The following NSD2 variants were observed in gnomAD, a reference collection of about 807,000 sequenced individuals.
NSD2 encodes the protein nuclear receptor binding SET domain protein 2.
A neutral mutation model predicts 139.0 loss-of-function variants in NSD2; 12 were observed. That is an observed-to-expected ratio of 0.09 (90% CI 0.06 to 0.14). The LOEUF (loss-of-function observed/expected upper bound fraction) is 0.14. NSD2 is among the 10% of genes least tolerant of loss of function. The pLI, the probability that NSD2 is intolerant of heterozygous loss-of-function variation, is 1.00. For synonymous variants in NSD2, 669 were observed against 648.7 expected, an observed-to-expected ratio of 1.03 and a Z score of -0.48; for missense variants, 1,155 against 1,745.0, an observed-to-expected ratio of 0.66 and a Z score of 6.02.
intron 1 of NSD2, among the ~76,000 whole-genome samples, chr4:1,872,629 A>AGAGAGAGAGAGAGAGAGC (rs1553856461): frequency 4.2e-5 from 6 of 142,598 alleles, no homozygotes; most frequent in African/African-American, 7.8e-5. Flanking sequence ...AGAGAGAGAG[A>AGAGAGAGAGAGAGAGAGC]GAGAGAGCGC....
intron 9 of NSD2, chr4:1,940,530 G>A: frequency 9.4e-7 from 1 of 1,064,628 alleles, no homozygotes; most frequent in Non-Finnish European, 1.1e-6. Flanking sequence ...AGGTAGTTTT[G>A]GTTTCCTGAT....
Position 1,973,141 on chromosome 4 carries a change from G to A in NSD2, c.3373-1722G>A, listed in dbSNP as rs1482597887. On this transcript the variant is annotated intron_variant, in intron 18 of 21. Transcript: ENST00000508803. The surrounding 1 kb of genome is among the most constrained non-coding windows in gnomAD (Gnocchi z 5.5). ...ATTATAGGTGTGAGCCACCGCGCCCGGCCGACATATTGTTATAAAGGGGTC... is the reference window on the plus strand; with the variant it reads ...ATTATAGGTGTGAGCCACCGCGCCCAGCCGACATATTGTTATAAAGGGGTC... Among the ~76,000 whole-genome samples, 3 of 152,158 alleles carry A rather than the reference G, an allele frequency of 2.0e-5. No homozygotes were observed. The highest frequency in any genetic ancestry group is 6.5e-5 in the Admixed American group (1 of 15,272).
chr4:1,935,357 A>G, intron 7 of NSD2, 95 bp downstream of exon 7: 1 of 903,878 alleles, frequency 1.1e-6, no homozygotes, highest in Non-Finnish European at 1.7e-6. Context: ...CATGAGATGC[A>G]GGTGTCAGTG....
intron 5 of NSD2, among the ~76,000 whole-genome samples, chr4:1,923,250 A>T (rs1181278100): frequency 6.8e-6 from 1 of 146,128 alleles, no homozygotes; most frequent in Non-Finnish European, 1.5e-5. Context: ...GTACTTTGGG[A>T]GGCTGAAGCG....
At chr4:1,873,211 C>A (rs942699859) in intron 1 of NSD2, among the ~76,000 whole-genome samples, 3 of 152,156 alleles carry the variant, frequency 2.0e-5, no homozygotes, top group Admixed American at 6.5e-5. Context: ...TTTGTGTAAG[C>A]TTTTGTGAAG....
Position 1,958,293 on chromosome 4 carries a change from G to A in NSD2, c.2985+257G>A, listed in dbSNP as rs993859595. Reference sequence around the variant, plus strand: ...AAGGGTTGGGGTGACAGTCCTGACCGGGCTGCTTGGAGCAGGAGGAGCTGA... The same window carrying A: ...AAGGGTTGGGGTGACAGTCCTGACCAGGCTGCTTGGAGCAGGAGGAGCTGA... On this transcript the variant is annotated intron_variant, in intron 16 of 21. Transcript: ENST00000508803. The surrounding 1 kb of genome is among the most constrained non-coding windows in gnomAD (Gnocchi z 4.6). Among the ~76,000 whole-genome samples the A allele has an allele frequency of 6.6e-6, 1 of 152,242 alleles. No individual in the cohort carries two copies. The highest frequency in any genetic ancestry group is 1.5e-5 in the Non-Finnish European group (1 of 68,034).
intron 1 of NSD2, among the ~76,000 whole-genome samples, chr4:1,877,840 C>T (rs1002976170): frequency 2.0e-5 from 3 of 152,080 alleles, no homozygotes; most frequent in African/African-American, 4.8e-5. Context: ...TTCTCCCTCT[C>T]GGGCACCTTC....
chr4:1,909,416 G>T (rs1446435346), intron 3 of NSD2, among the ~76,000 whole-genome samples: 6 of 152,134 alleles, frequency 3.9e-5, no homozygotes, highest in Non-Finnish European at 7.3e-5. Context: ...AGGTCTCCAA[G>T]CAGTGCTGAG....
intron 18 of NSD2, among the ~76,000 whole-genome samples, chr4:1,966,453 G>A (rs900404989): frequency 1.3e-5 from 2 of 152,104 alleles, no homozygotes; most frequent in South Asian, 2.1e-4. Context: ...TCAGGAGATC[G>A]AGATCATCCT....
At chr4:1,936,209 G>A (rs917806455) in intron 7 of NSD2, among the ~76,000 whole-genome samples, 4 of 152,152 alleles carry the variant, frequency 2.6e-5, no homozygotes, top group African/African-American at 9.7e-5. Flanking sequence ...GGAAACACCG[G>A]GTTATTCTGT....
intron 1 of NSD2, among the ~76,000 whole-genome samples, chr4:1,878,213 A>G (rs1385296467): frequency 8.7e-6 from 1 of 114,312 alleles, no homozygotes; most frequent in Non-Finnish European, 1.7e-5. Context: ...GGTGTGTGCC[A>G]CCATGCCCGG....
chr4:1,934,631 C>T (rs558185955), intron 6 of NSD2, among the ~76,000 whole-genome samples: 130 of 149,544 alleles, frequency 8.7e-4, no homozygotes, highest in Non-Finnish European at 1.2e-3. Flanking sequence ...AGGCGGATCA[C>T]GAGGACAGGA....
At chr4:1,966,510 A>G (rs1375974527) in intron 18 of NSD2, among the ~76,000 whole-genome samples, 1 of 152,078 alleles carries the variant, frequency 6.6e-6, no homozygotes, top group Admixed American at 6.6e-5. Flanking sequence ...CAAAAAAATT[A>G]GCCGGGCGTG....
At position 1,980,432 on chromosome 4, in the gene NSD2, C is replaced by T. The variant is rs1468972085; in HGVS notation, c.*1523C>T. The T allele has an allele frequency of 4.3e-6, 1 of 233,004 alleles. No homozygotes were observed. The highest frequency in any genetic ancestry group is 2.2e-5 in the African/African-American group (1 of 45,320). 14.4% of individuals were successfully genotyped at this position (233,004 alleles called of 1,614,324 possible). A position where few individuals can be genotyped will look rare whatever the true frequency, so the allele number is the denominator to read the frequency against. On this transcript the variant is annotated 3_prime_UTR_variant, in exon 22 of 22. Transcript: ENST00000508803. ...TTTTATGGCCTTTTCTTAAAATAAC[C>T]TAAGGGGGACACATCCATCTTGCAG...
intron 9 of NSD2, chr4:1,944,903 A>G: frequency 1.9e-6 from 2 of 1,063,272 alleles, no homozygotes; most frequent in Non-Finnish European, 2.3e-6. Flanking sequence ...TTATACCTGT[A>G]TCTCCCAACT....
chr4:1,874,415 C>T (rs1485254103), intron 1 of NSD2, among the ~76,000 whole-genome samples: 1 of 152,154 alleles, frequency 6.6e-6, no homozygotes, highest in African/African-American at 2.4e-5. Context: ...ACCTTTCTCC[C>T]CTGTTGGGTT....
chr4:1,876,731 C>T (rs972571421), intron 1 of NSD2, among the ~76,000 whole-genome samples: 1 of 152,030 alleles, frequency 6.6e-6, no homozygotes, highest in East Asian at 1.9e-4. Flanking sequence ...TGAGACTACC[C>T]TAGTGGGTGT....
Position 1,973,169 on chromosome 4 carries a change from A to T in NSD2, c.3373-1694A>T, listed in dbSNP as rs901884133. Among the ~76,000 whole-genome samples the T allele has an allele frequency of 4.6e-5, 7 of 152,206 alleles. No individual in the cohort carries two copies. Among genetic ancestry groups the T allele is most frequent in the Non-Finnish European group, 7.3e-5 (5 of 68,032 alleles). On this transcript the variant is annotated intron_variant, in intron 18 of 21. Transcript: ENST00000508803. This position sits in a 1 kb window ranked among gnomAD's most constrained non-coding sequence, Gnocchi z 5.5. ...CGACATATTGTTATAAAGGGGTCTG[A>T]TGTTTGGAATATCTAGGGAACATCT...
Position 1,975,279 on chromosome 4 carries a change from C to T in NSD2, c.3515-15C>T, listed in dbSNP as rs1726953339. On this transcript the variant is annotated splice_polypyrimidine_tract_variant and intron_variant, in intron 19 of 21. Transcript: ENST00000508803. ...CAGGTGTTTCCAATTTGGTGTCTGT[C>T]TCCTCTTCTCCCAGGGACGGAGCTG... 1 of 1,613,124 alleles carries T rather than the reference C, an allele frequency of 6.2e-7. No homozygotes were observed. Among genetic ancestry groups the T allele is most frequent in the Non-Finnish European group, 8.5e-7 (1 of 1,179,172 alleles).
Sources: allele counts gnomAD v4.1 joint callset (sites outside exome capture counted in the v4.1 genomes callset), GRCh38; gene constraint gnomAD v4.1.1; non-coding constraint Gnocchi (gnomAD v3.1); transcripts MANE v1.5; gene names NCBI Gene and HGNC (gene_info 2026-07-23, HGNC 2026-07-21).